SYNE1: variants seen among roughly 807,000 people sequenced by gnomAD.
SYNE1 encodes the protein nesprin-1.
A neutral mutation model predicts 1,111.0 loss-of-function variants in SYNE1; 616 were observed. The ratio of observed to expected loss-of-function variants is 0.55; its 90% CI spans 0.52 to 0.59. SYNE1 has a LOEUF of 0.59. Among genes scored for constraint, SYNE1 ranks in the 20% least tolerant of loss-of-function variants. The pLI is 0.00. For synonymous variants in SYNE1, 3,855 were observed against 3,825.8 expected (o/e 1.01, Z -0.28); for missense variants, 10,006 against 10,417.0 (o/e 0.96, Z 1.72).
intron 10 of SYNE1, 114 bp downstream of exon 10, chr6:152,502,519 G>T (rs2099035113): frequency 3.7e-6 from 3 of 805,534 alleles, no homozygotes; most frequent in Non-Finnish European, 6.4e-6. Context: ...TTTAAAATCA[G>T]TTGGTCTCAT....
chr6:152,224,986 T>G (rs1286162680), intron 116 of SYNE1, among the ~76,000 whole-genome samples: 7 of 148,078 alleles, frequency 4.7e-5, no homozygotes, highest in Non-Finnish European at 1.0e-4. Flanking sequence ...TATGTATATA[T>G]ATTTTTAAGT....
intron 96 of SYNE1, chr6:152,282,188 C>T: frequency 3.3e-6 from 2 of 605,016 alleles, no homozygotes; most frequent in South Asian, 3.9e-5. Context: ...AAAAGACTCC[C>T]TAGTGATTTT....
rs150963209 is a variant in SYNE1, at chr6:152,301,082, T to C, written c.17542-301A>G. Among the ~76,000 whole-genome samples, 899 of 152,308 alleles carry C rather than the reference T, an allele frequency of 5.9e-3. 6 individuals are homozygous for C. The highest frequency in any genetic ancestry group is 0.021 in the African/African-American group (859 of 41,552). On this transcript the variant is annotated intron_variant, in intron 92 of 145. Coordinates refer to ENST00000367255, the MANE Select transcript of SYNE1 (RefSeq NM_182961.4). ...GAGAGTTTGTGGCTTTATAAATAAC[T>C]GGAAAAATCACGAATCATACAAATG...
At chr6:152,180,010 A>C in intron 129 of SYNE1, 126 bp downstream of exon 129, 1 of 1,079,106 alleles carries the variant, frequency 9.3e-7, no homozygotes, top group Middle Eastern at 3.0e-4. Context: ...TAAAAAGATA[A>C]AATGTTTAAA....
intron 66 of SYNE1, among the ~76,000 whole-genome samples, chr6:152,356,838 G>A (rs1351464873): frequency 2.0e-5 from 3 of 152,202 alleles, no homozygotes; most frequent in Non-Finnish European, 2.9e-5. Flanking sequence ...TGCACCACAC[G>A]AATACCGGCT....
intron 3 of SYNE1, among the ~76,000 whole-genome samples, chr6:152,571,510 A>C (rs2099457591): frequency 6.6e-6 from 1 of 152,192 alleles, no homozygotes; most frequent in Non-Finnish European, 1.5e-5. Context: ...ATTTCATGAC[A>C]GCTGCATGAT....
rs185389046 is a variant in SYNE1, at chr6:152,364,792, T to G, written c.10145+55A>C. ...CACAGGAATGGTCTGTTCAGTAGTA[T>G]TATATTGATCTTTTAGTAATAGCTT... On this transcript the variant is annotated intron_variant, in intron 63 of 145. Transcript: ENST00000367255. The G allele has an allele frequency of 1.2e-5, 19 of 1,609,900 alleles. No homozygotes were observed. The East Asian group carries it at 3.8e-4, about 32-fold the overall frequency.
Position 152,520,446 on chromosome 6 carries a change from G to T in SYNE1, c.309+13C>A. 1 of 1,612,436 alleles carries T rather than the reference G, an allele frequency of 6.2e-7. No homozygotes were observed. Among genetic ancestry groups the T allele is most frequent in the Admixed American group, 1.7e-5 (1 of 59,962 alleles). On this transcript the variant is annotated intron_variant, in intron 6 of 145. Coordinates refer to ENST00000367255, the MANE Select transcript of SYNE1 (RefSeq NM_182961.4). ...CTTCTTCCTTGGGCATTTTGTTTTT[G>T]TTTCTCTCTTACCTTTCTTCCTTCG...
intron 14 of SYNE1, among the ~76,000 whole-genome samples, chr6:152,481,791 G>A (rs146669425): frequency 1.0e-3 from 154 of 150,534 alleles, no homozygotes; most frequent in African/African-American, 3.2e-3. Context: ...ACTTGATCTC[G>A]TATGAGGCCT....
chr6:152,152,173 A>G (rs760554219), intron 133 of SYNE1, 32 bp from the exon 134 acceptor site: 2 of 1,605,806 alleles, frequency 1.2e-6, no homozygotes, highest in East Asian at 2.2e-5. Context: ...TCAGTGTGAG[A>G]AATCAGCGAA....
rs181649865 is a variant in SYNE1, at chr6:152,318,903, G to T, written c.16349C>A (p.Ala5450Glu). Residue 5450 changes from alanine (A) to glutamate (E), a missense_variant, in exon 85 of 146, where the codon GCG becomes GAG. Around this residue, in one of 7 missense-constraint regions of SYNE1, gnomAD observed 4,955 missense variants for 5,017.2 expected, o/e 0.99. Coordinates refer to ENST00000367255, the MANE Select transcript of SYNE1 (RefSeq NM_182961.4). ...DLTTILTKLKAKTDNVVQAKT... is the reference protein window; with the variant it reads ...DLTTILTKLKEKTDNVVQAKT... ...AGCTTGAACTACATTATCTGTCTTC[G>T]CTTTCAGCTTAGTTAGAATAGTTGT... 1 of 1,613,886 alleles carries T rather than the reference G, an allele frequency of 6.2e-7. No individual in the cohort carries two copies. Among genetic ancestry groups the T allele is most frequent in the African/African-American group, 1.3e-5 (1 of 74,844 alleles).
intron 51 of SYNE1, among the ~76,000 whole-genome samples, chr6:152,392,881 AC>A (rs1374357845): frequency 5.9e-5 from 9 of 152,200 alleles, no homozygotes; most frequent in Admixed American, 2.6e-4. Context: ...AAGCTGAGGT[AC>A]TTTTATATAG....
At position 152,466,055 on chromosome 6, in the gene SYNE1, G is replaced by A; in HGVS notation, c.1656C>T (p.Phe552=). 1.2e-6 allele frequency: 2 copies of A among 1,610,658 alleles called. No homozygotes were observed. The highest frequency in any genetic ancestry group is 1.7e-6 in the Non-Finnish European group (2 of 1,177,350). The change falls in exon 17 of 146, where the codon TTC becomes TTT. Residue 552 remains phenylalanine (F), a synonymous_variant. Transcript: ENST00000367255. Reference sequence around the variant, plus strand: ...GGTATGTCACCTCATATTGTTCAAAGAACTTGCTATTTTCTATAAAAGACT... The same window carrying A: ...GGTATGTCACCTCATATTGTTCAAAAAACTTGCTATTTTCTATAAAAGACT... ...NYVSFIENSK[F]FEQYEVTYQI...
chr6:152,329,512 G>A (rs1461661816), intron 78 of SYNE1, among the ~76,000 whole-genome samples: 1 of 152,234 alleles, frequency 6.6e-6, no homozygotes, highest in African/African-American at 2.4e-5. Flanking sequence ...GGGCAACAGA[G>A]CGAGACTTCG....
At chr6:152,466,696 C>T (rs2098770642) in intron 16 of SYNE1, among the ~76,000 whole-genome samples, 1 of 151,786 alleles carries the variant, frequency 6.6e-6, no homozygotes, top group Non-Finnish European at 1.5e-5. Context: ...AAAGTGAATA[C>T]TATAAAATTG....
rs1399057012 is a variant in SYNE1, at chr6:152,164,187, T to C, written c.23766A>G (p.Ile7922Met). The change falls in exon 131 of 146, where the codon ATA becomes ATG. Residue 7922 changes from isoleucine to methionine, a missense_variant. By Grantham distance (10) the Ile-to-Met change is conservative. Transcript: ENST00000367255. ...IVYDSCNSEE[I>M]QRKLNEQQEL... ...CCTGCTGCTCATTAAGCTTTCTCTG[T>C]ATTTCTTCCGAGTTACAGGAATCGT... 1 of 1,614,208 alleles carries C rather than the reference T, an allele frequency of 6.2e-7. No individual in the cohort carries two copies. Among genetic ancestry groups the C allele is most frequent in the Admixed American group, 1.7e-5 (1 of 60,026 alleles).
intron 3 of SYNE1, among the ~76,000 whole-genome samples, chr6:152,544,090 C>T (rs1419075910): frequency 2.0e-5 from 3 of 152,150 alleles, no homozygotes; most frequent in Admixed American, 1.3e-4. Context: ...ATGTTTCTGT[C>T]CTCAGCTTTT....
At chr6:152,356,619 T>G (rs1386262657) in intron 66 of SYNE1, among the ~76,000 whole-genome samples, 1 of 151,804 alleles carries the variant, frequency 6.6e-6, no homozygotes, top group East Asian at 1.9e-4. Context: ...AATTTCTGAA[T>G]ATGTTCCACA....
intron 131 of SYNE1, among the ~76,000 whole-genome samples, chr6:152,158,712 T>C (rs1273094596): frequency 6.6e-6 from 1 of 152,196 alleles, no homozygotes; most frequent in African/African-American, 2.4e-5. Flanking sequence ...ATTCTGTAAA[T>C]GAGATTACCA....
Sources: gnomAD v4.1 joint callset for allele counts (sites outside exome capture counted in the v4.1 genomes callset) on GRCh38, gnomAD v4.1.1 for gene constraint, gnomAD v4.1.1 regional missense constraint, MANE v1.5 for transcripts, NCBI Gene and HGNC (gene_info 2026-07-23, HGNC 2026-07-21) for gene names.